NAV3: variants seen among roughly 807,000 people sequenced by gnomAD.
NAV3 encodes neuron navigator 3.
A neutral mutation model predicts 244.7 loss-of-function variants in NAV3; 87 were observed. That is an observed-to-expected ratio of 0.36 (90% confidence interval 0.30 to 0.42). NAV3 has a LOEUF of 0.42. Among genes scored for constraint, NAV3 ranks in the 20% least tolerant of loss-of-function variants. The pLI is 1.00. For missense variants in NAV3, 2,663 were observed against 2,893.3 expected, an observed-to-expected ratio of 0.92 and a Z score of 1.83; for synonymous variants, 1,126 against 1,042.2, an observed-to-expected ratio of 1.08 and a Z score of -1.55.
At chr12:78,052,881 G>A (rs1236793031) in intron 11 of NAV3, among the ~76,000 whole-genome samples, 1 of 151,432 alleles carries the variant, frequency 6.6e-6, no homozygotes, top group African/African-American at 2.4e-5. Flanking sequence ...ATATTTATAT[G>A]GCTAATTATA....
intron 12 of NAV3, among the ~76,000 whole-genome samples, chr12:78,090,176 AATATATATGTGTGT>A (rs1953849515): frequency 6.7e-6 from 1 of 148,432 alleles, no homozygotes; most frequent in South Asian, 2.1e-4. Flanking sequence ...TATATGTGTA[AATATATATGTGTGT>A]ATATATATAT....
chr12:77,876,180 T>A (rs1052897542), intron 1 of NAV3, among the ~76,000 whole-genome samples: 1 of 152,014 alleles, frequency 6.6e-6, no homozygotes, highest in Non-Finnish European at 1.5e-5. Context: ...GATATGAAAT[T>A]TACACCTGAT....
chr12:78,075,738 G>C lies in NAV3; in HGVS notation c.2636+16623G>C, dbSNP rs1033142975. 8.5e-5 allele frequency among the ~76,000 whole-genome samples: 13 copies of C among 152,186 alleles called. No homozygotes were observed. In the South Asian group the frequency reaches 2.7e-3, roughly 31 times the overall value. On this transcript the variant is annotated intron_variant, in intron 12 of 39. Transcript: ENST00000397909. The stretch of plus-strand genomic sequence containing the variant: ...CACAGTCATCAGTTTTGAAAGAAAT[G>C]TGCTTTAAGACAAAGCATAATTATT...
intron 2 of NAV3, among the ~76,000 whole-genome samples, chr12:77,774,618 T>C: frequency 6.6e-6 from 1 of 152,170 alleles, no homozygotes; most frequent in Middle Eastern, 3.2e-3. Flanking sequence ...TTATGTGGCC[T>C]GTGGCATACT....
intron 2 of NAV3, among the ~76,000 whole-genome samples, chr12:77,621,137 TAAAC>T (rs1042537046): frequency 6.6e-5 from 10 of 152,184 alleles, no homozygotes; most frequent in Non-Finnish European, 1.2e-4. Context: ...ATTAAAATGA[TAAAC>T]AAACAACTCT....
At chr12:77,936,603 A>G (rs562712862) in intron 1 of NAV3, among the ~76,000 whole-genome samples, 2 of 152,290 alleles carry the variant, frequency 1.3e-5, no homozygotes, top group Non-Finnish European at 2.9e-5. Context: ...AGCCTGCAAA[A>G]TACATTACTG....
intron 18 of NAV3, among the ~76,000 whole-genome samples, chr12:78,131,555 A>G (rs927783079): frequency 1.3e-5 from 2 of 152,308 alleles, no homozygotes; most frequent in East Asian, 1.9e-4. Context: ...TAAGTACTTC[A>G]TGTCTCCTAT....
In NAV3 at chr12:77,755,656, TCCAC is replaced by T. The variant is rs1315479851; in HGVS notation, c.72+183391_72+183394del. The stretch of plus-strand genomic sequence containing the variant: ...TTCCTTCCTTCCTTCCTTCCTTCCT[TCCAC>T]TCTCTCTCTTTCTTTCTCTCTTTCT... On this transcript the variant is annotated intron_variant, in intron 2 of 8. Coordinates refer to the NAV3 transcript ENST00000550042. 3.3e-5 allele frequency among the ~76,000 whole-genome samples: 3 copies of T among 90,570 alleles called. 1 individual carries two copies. The highest frequency in any genetic ancestry group is 1.3e-4 in the African/African-American group (3 of 23,834). The allele number at this position is 90,570 out of a possible 152,430, so 59.4% of individuals were successfully genotyped here.
At chr12:77,736,883 C>T (rs566812326) in intron 2 of NAV3, among the ~76,000 whole-genome samples, 4 of 152,130 alleles carry the variant, frequency 2.6e-5, no homozygotes, top group Non-Finnish European at 4.4e-5. Context: ...TCTTGGGCAG[C>T]ACTGTGGAGA....
chr12:78,206,664 C>G (rs765894731), intron 39 of NAV3, among the ~76,000 whole-genome samples: 34 of 152,142 alleles, frequency 2.2e-4, no homozygotes, highest in Admixed American at 1.8e-3. Context: ...GTTTTCCCTT[C>G]TGGCATGAGA....
chr12:78,024,803 G>A (rs923792764), intron 9 of NAV3, among the ~76,000 whole-genome samples: 8 of 151,890 alleles, frequency 5.3e-5, no homozygotes, highest in Non-Finnish European at 8.8e-5. Context: ...GTGAGATGCC[G>A]TCTCTACTAA....
At chr12:77,651,469 T>A (rs1327947963) in intron 2 of NAV3, among the ~76,000 whole-genome samples, 1 of 152,194 alleles carries the variant, frequency 6.6e-6, no homozygotes, top group Non-Finnish European at 1.5e-5. Context: ...ATGATTGGAA[T>A]AGATCATTTA....
At chr12:77,708,320 T>A (rs938599216) in intron 2 of NAV3, among the ~76,000 whole-genome samples, 1 of 152,240 alleles carries the variant, frequency 6.6e-6, no homozygotes, top group Non-Finnish European at 1.5e-5. Context: ...AGGGAATCCT[T>A]TCCCCATTTC....
intron 23 of NAV3, among the ~76,000 whole-genome samples, chr12:78,165,372 GA>G (rs1349895227): frequency 6.6e-6 from 1 of 151,910 alleles, no homozygotes; most frequent in Non-Finnish European, 1.5e-5. Flanking sequence ...GACTGAATTG[GA>G]AGAGTAGACT....
intron 2 of NAV3, among the ~76,000 whole-genome samples, chr12:77,748,409 G>A (rs949106238): frequency 2.0e-5 from 3 of 152,096 alleles, no homozygotes; most frequent in Non-Finnish European, 4.4e-5. Flanking sequence ...TCAAGATTAT[G>A]GATAAGATTC....
chr12:78,151,186 G>A (rs1471707395), intron 22 of NAV3, among the ~76,000 whole-genome samples: 1 of 151,948 alleles, frequency 6.6e-6, no homozygotes, highest in African/African-American at 2.4e-5. Flanking sequence ...ATTGCTCTAG[G>A]TTCCACTCAG....
At chr12:78,001,095 A>G (rs1204170241) in intron 7 of NAV3, among the ~76,000 whole-genome samples, 2 of 152,176 alleles carry the variant, frequency 1.3e-5, no homozygotes, top group African/African-American at 4.8e-5. Flanking sequence ...GTTTATAAAA[A>G]TATACAAATC....
chr12:78,194,109 G>A (rs959929139), intron 34 of NAV3, among the ~76,000 whole-genome samples: 3 of 151,946 alleles, frequency 2.0e-5, no homozygotes, highest in Non-Finnish European at 4.4e-5. Flanking sequence ...TGACTTGTGT[G>A]GTTGACTTCA....
At chr12:78,116,394 G>T (rs1455015009) in intron 12 of NAV3, among the ~76,000 whole-genome samples, 1 of 152,102 alleles carries the variant, frequency 6.6e-6, no homozygotes, top group Non-Finnish European at 1.5e-5. Context: ...TGGATTTTTA[G>T]AACAAAGAAT....
Sources: allele counts gnomAD v4.1 joint callset (sites outside exome capture counted in the v4.1 genomes callset), GRCh38; gene constraint gnomAD v4.1.1; transcripts MANE v1.5; gene names NCBI Gene and HGNC (gene_info 2026-07-23, HGNC 2026-07-21).